EXOC6: variants seen among roughly 807,000 people sequenced by gnomAD.
The protein encoded by EXOC6 is exocyst complex component 6.
EXOC6 carries 60 observed loss-of-function variants against 112.5 expected under a neutral mutation model. That is an observed-to-expected ratio of 0.53 (90% confidence interval 0.43 to 0.66). The LOEUF (loss-of-function observed/expected upper bound fraction) is 0.66, where lower values mean the gene tolerates loss of function less well. Ranked by LOEUF, EXOC6 falls within the 30% of genes least tolerant of loss-of-function variation. EXOC6 has a pLI of 0.00. For synonymous variants in EXOC6, 295 were observed against 308.0 expected (o/e 0.96, Z 0.44); for missense variants, 855 against 957.1 (o/e 0.89, Z 1.41).
chr10:92,850,379 C>T (rs1237813137), intron 1 of EXOC6, among the ~76,000 whole-genome samples: 3 of 152,160 alleles, frequency 2.0e-5, no homozygotes, highest in African/African-American at 7.2e-5. Flanking sequence ...TTAGCAATCC[C>T]TGGTGACTCA....
chr10:92,968,403 ATT>A (rs1842152973), intron 17 of EXOC6, among the ~76,000 whole-genome samples: 3 of 152,012 alleles, frequency 2.0e-5, no homozygotes, highest in African/African-American at 7.2e-5. Context: ...CCAGGCAGTT[ATT>A]TAACTCCTGG....
At position 92,893,233 on chromosome 10, in the gene EXOC6, A is replaced by G. The variant is rs1849593580; in HGVS notation, c.102-116A>G. 5 of 674,260 alleles carry G rather than the reference A, an allele frequency of 7.4e-6. No homozygotes were observed. In the South Asian group the frequency reaches 1.2e-4, roughly 16 times the overall value. 41.8% of individuals were successfully genotyped at this position (674,260 alleles called of 1,614,324 possible). Reference sequence around the variant, plus strand: ...ACGCAAATTATTTCTGCTAAAGGTAATATTATCACCAGTTTATTTGTTCAG... The same window carrying G: ...ACGCAAATTATTTCTGCTAAAGGTAGTATTATCACCAGTTTATTTGTTCAG... On this transcript the variant is annotated intron_variant, in intron 1 of 21. Transcript: ENST00000260762.
At chr10:92,964,501 G>A (rs1841963278) in intron 17 of EXOC6, among the ~76,000 whole-genome samples, 3 of 152,064 alleles carry the variant, frequency 2.0e-5, no homozygotes, top group South Asian at 4.1e-4. Context: ...CACCTTTATG[G>A]TGATAGCTCT....
intron 6 of EXOC6, among the ~76,000 whole-genome samples, chr10:92,914,210 G>C (rs985208905): frequency 1.3e-5 from 2 of 152,124 alleles, no homozygotes; most frequent in African/African-American, 2.4e-5. Context: ...CTGTGCATGC[G>C]GGGCATCTAG....
At chr10:92,969,991 G>A (rs1842225979) in intron 17 of EXOC6, among the ~76,000 whole-genome samples, 1 of 152,182 alleles carries the variant, frequency 6.6e-6, no homozygotes, top group Non-Finnish European at 1.5e-5. Context: ...ACCGCACCTG[G>A]TCGACTATTG....
intron 20 of EXOC6, among the ~76,000 whole-genome samples, chr10:93,048,391 A>G (rs1039360239): frequency 8.5e-5 from 13 of 152,162 alleles, no homozygotes; most frequent in Non-Finnish European, 2.9e-5. Context: ...GGAAATAAAA[A>G]AAATTGATAA....
chr10:92,942,889 A>G (rs943280145), intron 13 of EXOC6, among the ~76,000 whole-genome samples: 5 of 152,194 alleles, frequency 3.3e-5, no homozygotes, highest in Non-Finnish European at 7.3e-5. Flanking sequence ...TCATTCACAT[A>G]GAGATAGGAT....
intron 1 of EXOC6, among the ~76,000 whole-genome samples, chr10:92,859,057 G>A (rs567365857): frequency 1.1e-4 from 17 of 152,298 alleles, no homozygotes; most frequent in African/African-American, 2.2e-4. Flanking sequence ...GAGCCACAGC[G>A]CCTGGCCACT....
At chr10:93,001,490 G>A (rs1843753971) in intron 19 of EXOC6, among the ~76,000 whole-genome samples, 1 of 152,050 alleles carries the variant, frequency 6.6e-6, no homozygotes, top group South Asian at 2.1e-4. Flanking sequence ...CTACCTTAGG[G>A]TTAGAGTCAC....
chr10:92,909,914 C>T (rs1850646987), intron 6 of EXOC6, among the ~76,000 whole-genome samples: 1 of 152,152 alleles, frequency 6.6e-6, no homozygotes, highest in South Asian at 2.1e-4. Context: ...TACCACCAGC[C>T]AAATCTGGTA....
chr10:92,850,388 C>A (rs1164426405), intron 1 of EXOC6, among the ~76,000 whole-genome samples: 2 of 152,214 alleles, frequency 1.3e-5, no homozygotes, highest in African/African-American at 2.4e-5. Flanking sequence ...CCTGGTGACT[C>A]ATACTTATCC....
chr10:92,899,864 A>T, intron 5 of EXOC6: 1 of 430,356 alleles, frequency 2.3e-6, no homozygotes, highest in Non-Finnish European at 4.1e-6. Context: ...AGGATTGGTA[A>T]TGTTGATCAA....
upstream of EXOC6, among the ~76,000 whole-genome samples, chr10:92,832,859 C>T (rs1221899491): frequency 4.6e-5 from 7 of 152,084 alleles, no homozygotes; most frequent in African/African-American, 1.2e-4. Context: ...GACAGGGTCT[C>T]GCCCTGTTGG....
rs138507234 is a variant in EXOC6 at position 92,893,394 on chromosome 10, A to G, written c.147A>G (p.Glu49=). 8.7e-6 allele frequency: 14 copies of G among 1,612,586 alleles called. No individual in the cohort carries two copies. The African/African-American group carries it at 1.9e-4, about 22-fold the overall frequency. The change falls in exon 2 of 22, where the codon GAA becomes GAG. Residue 49 remains glutamate, a synonymous_variant. Coordinates refer to ENST00000260762, the MANE Select transcript of EXOC6 (RefSeq NM_019053.6). Reference sequence around the variant, plus strand: ...CAAATGCGCACAAGAAGTTTATGGAAAAGTTAGATGCTTGTATCCGTAATC... The same window carrying G: ...CAAATGCGCACAAGAAGTTTATGGAGAAGTTAGATGCTTGTATCCGTAATC... The part of the protein sequence containing the change: ...DQPNAHKKFM[E]KLDACIRNHD...
intron 18 of EXOC6, among the ~76,000 whole-genome samples, chr10:92,976,065 C>T (rs1463061111): frequency 2.0e-5 from 3 of 146,460 alleles, no homozygotes; most frequent in African/African-American, 5.0e-5. Context: ...GGTCAGCCCC[C>T]CGCCCGGCCA....
intron 1 of EXOC6, among the ~76,000 whole-genome samples, chr10:92,878,767 C>G (rs1423549049): frequency 6.6e-6 from 1 of 152,142 alleles, no homozygotes; most frequent in Non-Finnish European, 1.5e-5. Context: ...GTAACAATGA[C>G]AAATGTGTTG....
intron 4 of EXOC6, 47 bp downstream of exon 4, chr10:92,895,067 T>A: frequency 9.3e-7 from 1 of 1,076,386 alleles, no homozygotes; most frequent in Non-Finnish European, 1.4e-6. Context: ...GGTAAAGTTG[T>A]AATTTAATAA....
intron 17 of EXOC6, among the ~76,000 whole-genome samples, chr10:92,958,570 G>A (rs916153284): frequency 3.3e-5 from 5 of 152,162 alleles, no homozygotes; most frequent in Non-Finnish European, 7.3e-5. Context: ...GTCTTTAAGG[G>A]CTTGAAATTC....
At chr10:92,886,684 T>C (rs1849233000) in intron 1 of EXOC6, among the ~76,000 whole-genome samples, 1 of 152,190 alleles carries the variant, frequency 6.6e-6, no homozygotes, top group African/African-American at 2.4e-5. Flanking sequence ...CCAAACTACA[T>C]TTGTAAATTG....
Sources: gnomAD v4.1 joint callset for allele counts (sites outside exome capture counted in the v4.1 genomes callset) on GRCh38, gnomAD v4.1.1 for gene constraint, MANE v1.5 for transcripts, NCBI Gene and HGNC (gene_info 2026-07-23, HGNC 2026-07-21) for gene names.